Variants in HORMAD2 observed in about 807,000 individuals in gnomAD.
HORMAD2 encodes HORMA domain-containing protein 2.
HORMAD2 carries 45 observed loss-of-function variants against 38.8 expected under a neutral mutation model. The observed-to-expected ratio is 1.16, with a 90% CI of 0.91 to 1.49. The LOEUF is 1.49. Ranked by LOEUF, HORMAD2 falls within the 40% of genes most tolerant of loss-of-function variation. The pLI, the probability that HORMAD2 is intolerant of heterozygous loss-of-function variation, is 0.00. For synonymous variants in HORMAD2, 126 were observed against 122.8 expected (o/e 1.03, Z -0.17); for missense variants, 338 against 367.0 (o/e 0.92, Z 0.65).
upstream of HORMAD2, among the ~76,000 whole-genome samples, chr22:30,078,191 T>C (rs1278009763): frequency 1.3e-5 from 2 of 152,180 alleles, no homozygotes; most frequent in African/African-American, 2.4e-5. Flanking sequence ...GTCTATTGAG[T>C]GCCTACTGTG....
chr22:30,197,048 G>A, the HORMAD2 span, among the ~76,000 whole-genome samples: 1 of 152,180 alleles, frequency 6.6e-6, no homozygotes, highest in Non-Finnish European at 1.5e-5. Context: ...AGCAGCTGCA[G>A]CCCAGCAGCA....
intron 1 of HORMAD2, among the ~76,000 whole-genome samples, chr22:30,085,503 C>T (rs983961742): frequency 3.9e-5 from 6 of 152,288 alleles, no homozygotes; most frequent in South Asian, 2.1e-4. Context: ...CCTGTAATCC[C>T]AGCACTTTGG....
chr22:30,147,034 A>G (rs925374699), intron 10 of HORMAD2, among the ~76,000 whole-genome samples: 1 of 152,210 alleles, frequency 6.6e-6, no homozygotes, highest in Non-Finnish European at 1.5e-5. Context: ...GCTGAGAGAA[A>G]TTAACGAAGA....
rs1167724713 is a variant in HORMAD2, at chr22:30,092,209, C to T, written c.-37-1707C>T. 2.0e-5 allele frequency among the ~76,000 whole-genome samples: 3 copies of T among 152,000 alleles called. No homozygotes were observed. The East Asian group carries it at 5.8e-4, about 29-fold the overall frequency. On this transcript the variant is annotated intron_variant, in intron 1 of 10. Transcript: ENST00000336726. The stretch of plus-strand genomic sequence containing the variant: ...TTTTGTCCTTTTAATAATAGCCATT[C>T]TAACTGTGGGGAGATGATATCTCAT...
At chr22:30,187,486 T>G in the HORMAD2 span, among the ~76,000 whole-genome samples, 1 of 149,740 alleles carries the variant, frequency 6.7e-6, no homozygotes, top group African/African-American at 2.5e-5. Context: ...CACTCCTTAC[T>G]TTAGTATATT....
At chr22:30,089,175 C>G (rs1375725135) in intron 1 of HORMAD2, among the ~76,000 whole-genome samples, 1 of 152,136 alleles carries the variant, frequency 6.6e-6, no homozygotes, top group Admixed American at 6.5e-5. Context: ...CTTCAAGAAT[C>G]TTGCATTAAT....
chr22:30,187,496 T>C, the HORMAD2 span, among the ~76,000 whole-genome samples: 2 of 138,844 alleles, frequency 1.4e-5, no homozygotes, highest in Non-Finnish European at 3.1e-5. Context: ...TTTAGTATAT[T>C]TCCTTTGTGT....
intron 6 of HORMAD2, 45 bp downstream of exon 6, chr22:30,111,861 ATTGTCTT>A (rs1285840733): frequency 6.7e-7 from 1 of 1,489,602 alleles, no homozygotes; most frequent in Non-Finnish European, 9.1e-7. Flanking sequence ...TCTCTATTTC[ATTGTCTT>A]TTGGCAAGTG....
rs375222794 is a variant in HORMAD2 at position 30,126,726 on chromosome 22, G to C, written c.819+4512G>C. On this transcript the variant is annotated intron_variant, in intron 10 of 10. Transcript: ENST00000336726. ...CTAGGAGTAGAATTGCTGGGTCAAA[G>C]GGTATGTGTATATTTAGTTTTAACA... Among the ~76,000 whole-genome samples, 12 of 152,272 alleles carry C rather than the reference G, an allele frequency of 7.9e-5. No individual in the cohort carries two copies. The South Asian group carries it at 2.1e-3, about 26-fold the overall frequency.
intron 10 of HORMAD2, among the ~76,000 whole-genome samples, chr22:30,140,829 T>C (rs1184109331): frequency 6.6e-6 from 1 of 152,182 alleles, no homozygotes; most frequent in East Asian, 1.9e-4. Flanking sequence ...TTAGGTTTAG[T>C]TTGCACTTTT....
At chr22:30,135,881 A>G (rs1405618070) in intron 10 of HORMAD2, among the ~76,000 whole-genome samples, 2 of 152,256 alleles carry the variant, frequency 1.3e-5, no homozygotes, top group South Asian at 2.1e-4. Flanking sequence ...ACAATGTAAC[A>G]TTCTTATTGT....
intron 10 of HORMAD2, among the ~76,000 whole-genome samples, chr22:30,126,361 GT>G (rs1172525049): frequency 2.6e-5 from 4 of 152,068 alleles, no homozygotes; most frequent in Non-Finnish European, 5.9e-5. Context: ...TAGAGATGGG[GT>G]TTCACCGTGT....
intron 3 of HORMAD2, among the ~76,000 whole-genome samples, chr22:30,101,830 G>A (rs1373528724): frequency 2.6e-5 from 4 of 152,132 alleles, no homozygotes. Context: ...CACTTTGAAA[G>A]GCAAGGTGGG....
At chr22:30,192,099 T>A in the HORMAD2 span, 1 of 152,280 alleles carries the variant, frequency 6.6e-6, no homozygotes, top group African/African-American at 2.4e-5. Context: ...CATAAGTTGA[T>A]GCTGATTGTC....
At chr22:30,206,701 C>CA in the HORMAD2 span, among the ~76,000 whole-genome samples, 19 of 152,214 alleles carry the variant, frequency 1.2e-4, no homozygotes, top group Admixed American at 1.0e-3. Flanking sequence ...AGGCTGGTCT[C>CA]AAACTCCTGG....
chr22:30,154,508 T>C (rs1173383540), intron 10 of HORMAD2, among the ~76,000 whole-genome samples: 1 of 152,192 alleles, frequency 6.6e-6, no homozygotes, highest in Non-Finnish European at 1.5e-5. Context: ...TTCATTACTG[T>C]CATCTAACCC....
At chr22:30,159,165 C>T (rs909477286) in intron 10 of HORMAD2, among the ~76,000 whole-genome samples, 10 of 152,094 alleles carry the variant, frequency 6.6e-5, no homozygotes, top group Non-Finnish European at 1.5e-4. Flanking sequence ...TAAAATAAGG[C>T]GGAGAGTTTC....
intron 10 of HORMAD2, among the ~76,000 whole-genome samples, chr22:30,138,674 T>C (rs1457303950): frequency 6.6e-6 from 1 of 152,224 alleles, no homozygotes; most frequent in Non-Finnish European, 1.5e-5. Context: ...TTTTGTTAAA[T>C]TTATTCATGA....
chr22:30,111,771 T>C (rs1921676320), intron 5 of HORMAD2, 25 bp from the exon 6 acceptor site: 1 of 1,504,276 alleles, frequency 6.6e-7, no homozygotes, highest in African/African-American at 1.4e-5. Context: ...GTAATAATAA[T>C]AGTTTTTTTT....
Sources: gnomAD v4.1 joint callset for allele counts (sites outside exome capture counted in the v4.1 genomes callset) on GRCh38, gnomAD v4.1.1 for gene constraint, MANE v1.5 for transcripts, NCBI Gene and HGNC (gene_info 2026-07-23, HGNC 2026-07-21) for gene names.